Variants in ARHGAP25 observed in about 807,000 individuals in gnomAD.
ARHGAP25 encodes the protein rho GTPase-activating protein 25.
In ARHGAP25, 34 loss-of-function variants were observed where a neutral mutation model predicts 71.0. The ratio of observed to expected loss-of-function variants is 0.48; its 90% CI spans 0.36 to 0.64. ARHGAP25 has a LOEUF of 0.64. ARHGAP25 is among the 30% of genes least tolerant of loss of function. The pLI is 0.00. For synonymous variants in ARHGAP25, 282 were observed against 296.5 expected, an observed-to-expected ratio of 0.95 and a Z score of 0.50; for missense variants, 706 against 805.1, an observed-to-expected ratio of 0.88 and a Z score of 1.49.
chr2:68,803,945 A>G (rs1000871741), intron 4 of ARHGAP25, among the ~76,000 whole-genome samples: 1 of 152,208 alleles, frequency 6.6e-6, no homozygotes, highest in Non-Finnish European at 1.5e-5. Flanking sequence ...AAATTTCCAC[A>G]ATATGGTTGT....
chr2:68,790,733 G>A (rs892706782), intron 4 of ARHGAP25, among the ~76,000 whole-genome samples: 2 of 152,048 alleles, frequency 1.3e-5, no homozygotes, highest in Non-Finnish European at 2.9e-5. Context: ...ATCTCCACAC[G>A]TTCACCCCTG....
intron 4 of ARHGAP25, among the ~76,000 whole-genome samples, chr2:68,788,531 G>A (rs924802640): frequency 1.3e-5 from 2 of 152,172 alleles, no homozygotes; most frequent in Non-Finnish European, 2.9e-5. Context: ...CACTTTTCTG[G>A]GTTTCACAAC....
At chr2:68,724,699 C>CT (rs1240331692) in intron 2 of ARHGAP25, among the ~76,000 whole-genome samples, 3 of 152,224 alleles carry the variant, frequency 2.0e-5, no homozygotes, top group Non-Finnish European at 4.4e-5. Context: ...TACTGGGCAT[C>CT]TTTGGCCTAA....
At chr2:68,711,094 C>T (rs1674469993) in intron 2 of ARHGAP25, among the ~76,000 whole-genome samples, 1 of 152,206 alleles carries the variant, frequency 6.6e-6, no homozygotes, top group South Asian at 2.1e-4. Context: ...CTCTCAATGG[C>T]ACCCATTTAA....
chr2:68,757,118 A>G (rs1375165440), intron 1 of ARHGAP25, among the ~76,000 whole-genome samples: 1 of 152,158 alleles, frequency 6.6e-6, no homozygotes, highest in Non-Finnish European at 1.5e-5. Context: ...ATTATCAAGT[A>G]TGAGAAATAC....
At chr2:68,823,637 A>C (rs1291590307) in intron 10 of ARHGAP25, among the ~76,000 whole-genome samples, 1 of 152,012 alleles carries the variant, frequency 6.6e-6, no homozygotes, top group Non-Finnish European at 1.5e-5. Flanking sequence ...GAGGGTGGAG[A>C]AGTACAGGAG....
chr2:68,770,055 G>A (rs1358213690), intron 1 of ARHGAP25, among the ~76,000 whole-genome samples: 4 of 152,144 alleles, frequency 2.6e-5, no homozygotes, highest in Admixed American at 6.5e-5. Flanking sequence ...CTGAATATAA[G>A]GAACAGGCAG....
rs759547091 is a variant in ARHGAP25 at position 68,826,245 on chromosome 2, C to T, written c.*51C>T. On this transcript the variant is annotated 3_prime_UTR_variant, in exon 11 of 11. Transcript: ENST00000409202. ...GCCCCAGAGAGGCCCAACTCTGGCC[C>T]CTTTCTCAGTGCTATCTGATGACGG... The T allele has an allele frequency of 7.2e-5, 110 of 1,537,080 alleles. No individual in the cohort carries two copies. The highest frequency in any genetic ancestry group is 9.7e-5 in the Non-Finnish European group (108 of 1,110,644).
chr2:68,797,663 G>A (rs1466310532), intron 4 of ARHGAP25, among the ~76,000 whole-genome samples: 2 of 152,218 alleles, frequency 1.3e-5, no homozygotes, highest in Non-Finnish European at 2.9e-5. Context: ...GTTCTCCCAT[G>A]CACAGCCTGT....
intron 1 of ARHGAP25, among the ~76,000 whole-genome samples, chr2:68,743,348 C>T (rs770151081): frequency 2.0e-5 from 1 of 48,896 alleles, no homozygotes; most frequent in African/African-American, 6.6e-5. Flanking sequence ...ACAGCAATGG[C>T]AGAGCAGTTT....
intron 1 of ARHGAP25, among the ~76,000 whole-genome samples, chr2:68,765,605 G>T (rs1002188593): frequency 3.3e-5 from 5 of 152,014 alleles, no homozygotes; most frequent in Non-Finnish European, 7.4e-5. Flanking sequence ...TTTTCCCCAT[G>T]CTTAAGTATG....
At chr2:68,751,398 T>C (rs909057395) in intron 1 of ARHGAP25, among the ~76,000 whole-genome samples, 2 of 152,230 alleles carry the variant, frequency 1.3e-5, no homozygotes, top group Middle Eastern at 3.2e-3. Context: ...TGGAGATACA[T>C]AGCATGTATA....
Position 68,817,854 on chromosome 2 carries a change from A to G in ARHGAP25, c.882-19A>G. 6.2e-7 allele frequency: 1 copy of G among 1,613,136 alleles called. No homozygotes were observed. Among genetic ancestry groups the G allele is most frequent in the Admixed American group, 1.7e-5 (1 of 59,990 alleles). ...GCTACTTCCTGCTTTCTACCATGGG[A>G]TTTCTTGGCTGTCTGTAGGTTCCTA... On this transcript the variant is annotated intron_variant, in intron 7 of 10. Coordinates refer to ENST00000409202, the MANE Select transcript of ARHGAP25 (RefSeq NM_001007231.3).
chr2:68,767,038 A>C lies in ARHGAP25; in HGVS notation c.62-8183A>C, dbSNP rs1677168170. On this transcript the variant is annotated intron_variant, in intron 1 of 10. Transcript: ENST00000409202. The surrounding 1 kb of genome is among the most constrained non-coding windows in gnomAD (Gnocchi z 4.6). ...CTGCCCAATTCCGGAGTATTGAGGC[A>C]GGCATTTAGGGAACAACTTTTAGAT... Among the ~76,000 whole-genome samples, 1 of 152,208 alleles carries C rather than the reference A, an allele frequency of 6.6e-6. No homozygotes were observed. Among genetic ancestry groups the C allele is most frequent in the Non-Finnish European group, 1.5e-5 (1 of 68,042 alleles).
chr2:68,781,899 C>T (rs929776818), intron 2 of ARHGAP25, among the ~76,000 whole-genome samples: 3 of 152,182 alleles, frequency 2.0e-5, no homozygotes, highest in Admixed American at 1.3e-4. Context: ...TCAGCATTGC[C>T]TTCACAAAGA....
intron 4 of ARHGAP25, among the ~76,000 whole-genome samples, chr2:68,802,928 CATATATACACATATGTGTGTGTAT>C (rs991966588): frequency 6.8e-6 from 1 of 146,704 alleles, no homozygotes; most frequent in Admixed American, 6.8e-5. Context: ...CACATATATC[CATATATACACATATGTGTGTGTAT>C]ATATATACAC....
chr2:68,825,460 A>G (rs375367195), intron 10 of ARHGAP25, among the ~76,000 whole-genome samples: 5 of 152,250 alleles, frequency 3.3e-5, no homozygotes, highest in Middle Eastern at 3.4e-3. Flanking sequence ...ATGTCACAAG[A>G]TGGTGTTAAA....
rs1160980240 is a variant in ARHGAP25 at position 68,815,042 on chromosome 2, G to C, written c.808-1247G>C. Among the ~76,000 whole-genome samples, 3 of 152,190 alleles carry C rather than the reference G, an allele frequency of 2.0e-5. No homozygotes were observed. In the East Asian group the frequency reaches 5.8e-4, roughly 29 times the overall value. On this transcript the variant is annotated intron_variant, in intron 6 of 10. Transcript: ENST00000409202. ...ATCGCATCTCACCCCTGGGTTCTGG[G>C]GAAAGTAAAGGAGGCAGCTAGATGC...
intron 1 of ARHGAP25, among the ~76,000 whole-genome samples, chr2:68,772,705 C>T (rs1677567149): frequency 6.6e-6 from 1 of 152,172 alleles, no homozygotes; most frequent in Admixed American, 6.5e-5. Flanking sequence ...CTGCCAAAAT[C>T]TTTCTGTAGT....
Sources: gnomAD v4.1 joint callset for allele counts (sites outside exome capture counted in the v4.1 genomes callset) on GRCh38, gnomAD v4.1.1 for gene constraint, Gnocchi (gnomAD v3.1) non-coding constraint, MANE v1.5 for transcripts, NCBI Gene and HGNC (gene_info 2026-07-23, HGNC 2026-07-21) for gene names.